VWDE: variants seen among roughly 807,000 people sequenced by gnomAD.
VWDE encodes von Willebrand factor D and EGF domain-containing protein.
A neutral mutation model predicts 178.4 loss-of-function variants in VWDE; 207 were observed. The observed-to-expected ratio is 1.16, with a 90% CI of 1.04 to 1.30. The LOEUF is 1.30. Among genes scored for constraint, VWDE ranks in the 50% most tolerant of loss-of-function variants. The probability of loss-of-function intolerance (pLI) is 0.00; values close to 1 mark genes in which losing one functional copy is unlikely to be tolerated. For missense variants in VWDE, 2,287 were observed against 1,901.3 expected (o/e 1.20, Z -3.77); for synonymous variants, 738 against 651.4 (o/e 1.13, Z -2.02).
intron 15 of VWDE, 87 bp downstream of exon 15, chr7:12,361,060 T>C: frequency 1.3e-6 from 1 of 791,492 alleles, no homozygotes; most frequent in Admixed American, 3.3e-5. Flanking sequence ...GGTATAAAAG[T>C]GAAAAAACTA....
chr7:12,372,141 C>T (rs1316825895), intron 10 of VWDE, among the ~76,000 whole-genome samples: 7 of 151,872 alleles, frequency 4.6e-5, no homozygotes, highest in African/African-American at 9.7e-5. Context: ...GGTTTTTGTA[C>T]TTTTGAACAT....
rs1355392117 is a variant in VWDE at position 12,343,101 on chromosome 7, C to G, written c.4156G>C (p.Gly1386Arg). The part of the protein sequence containing the change: ...NLCTCPYGFV[G>R]PRCETMVCNR... Reference sequence around the variant, plus strand: ...TGCTTACTTGTTTCACACCTTGGTCCTACAAAACCATAAGGACAAGTGCAG... The same window carrying G: ...TGCTTACTTGTTTCACACCTTGGTCGTACAAAACCATAAGGACAAGTGCAG... The change falls in exon 22 of 29, where the codon GGA (glycine) becomes CGA (arginine). Residue 1386 changes from glycine (G) to arginine (R), a missense_variant. Transcript: ENST00000275358. 2 of 1,549,290 alleles carry G rather than the reference C, an allele frequency of 1.3e-6. No individual in the cohort carries two copies. Among genetic ancestry groups the G allele is most frequent in the Non-Finnish European group, 1.7e-6 (2 of 1,145,498 alleles).
chr7:12,351,315 C>A lies in VWDE; in HGVS notation c.3886+258G>T, dbSNP rs74519829. On this transcript the variant is annotated intron_variant, in intron 19 of 28. Transcript: ENST00000275358. ...TATAAAATATAAGTTTGAAATAGTC[C>A]CTTCCAACCATAAGCTTCTCCGAAA... Among the ~76,000 whole-genome samples the A allele has an allele frequency of 0.02, 3,061 of 152,120 alleles. 111 individuals carry two copies. Among genetic ancestry groups the A allele is most frequent in the African/African-American group, 0.07 (2,896 of 41,488 alleles).
rs80071220 is a variant in VWDE at position 12,383,966 on chromosome 7, T to C, written c.476-365A>G. The stretch of plus-strand genomic sequence containing the variant: ...TAGTGGTTTCTTACAGAACTAAACA[T>C]ACTCTTAGCATATGACATAGAAATC... On this transcript the variant is annotated intron_variant, in intron 3 of 28. Transcript: ENST00000275358. Among the ~76,000 whole-genome samples the C allele has an allele frequency of 5.6e-3, 860 of 152,270 alleles. 14 individuals carry two copies. Among genetic ancestry groups the C allele is most frequent in the African/African-American group, 0.02 (821 of 41,570 alleles).
At position 12,370,718 on chromosome 7, in the gene VWDE, G is replaced by T; in HGVS notation, c.1734C>A (p.Asp578Glu). The change falls in exon 11 of 29, where the codon GAC becomes GAA. Residue 578 changes from aspartate (D) to glutamate (E), a missense_variant. Transcript: ENST00000275358. Reference sequence around the variant, plus strand: ...TTTGATCAATTTGCATCCCATTTTTGTCATGGAAATCATTTTCCGGATTTT... The same window carrying T: ...TTTGATCAATTTGCATCCCATTTTTTTCATGGAAATCATTTTCCGGATTTT... Reference protein sequence around the residue: ...FDENPENDFHDKNGMQIDQNF... With the variant: ...FDENPENDFHEKNGMQIDQNF... 1 of 1,550,984 alleles carries T rather than the reference G, an allele frequency of 6.4e-7. No individual in the cohort carries two copies. Among genetic ancestry groups the T allele is most frequent in the Non-Finnish European group, 8.7e-7 (1 of 1,146,644 alleles).
chr7:12,335,759 G>A (rs890098329), intron 27 of VWDE, among the ~76,000 whole-genome samples: 2 of 152,072 alleles, frequency 1.3e-5, no homozygotes, highest in Non-Finnish European at 2.9e-5. Context: ...CCGGCCTAGA[G>A]TGATTAATTT....
chr7:12,332,376 C>T (rs966928025), intron 28 of VWDE, among the ~76,000 whole-genome samples: 3 of 151,960 alleles, frequency 2.0e-5, no homozygotes, highest in East Asian at 3.9e-4. Context: ...TTCTTAGAAG[C>T]AGCATTAATG....
chr7:12,367,973 T>G (rs1782955205), intron 12 of VWDE, among the ~76,000 whole-genome samples: 1 of 151,966 alleles, frequency 6.6e-6, no homozygotes, highest in South Asian at 2.1e-4. Context: ...TAAAAATTAT[T>G]AAACCCCTTG....
intron 1 of VWDE, among the ~76,000 whole-genome samples, chr7:12,394,381 G>T (rs950503737): frequency 1.3e-5 from 2 of 152,136 alleles, no homozygotes; most frequent in Non-Finnish European, 2.9e-5. Flanking sequence ...GAAAACGAAT[G>T]GGATGGAGGG....
In VWDE at chr7:12,369,607, C is replaced by T. The variant is rs1783047633; in HGVS notation, c.2699G>A (p.Cys900Tyr). The change falls in exon 12 of 29, where the codon TGC (cysteine) becomes TAC (tyrosine). Residue 900 changes from cysteine (C) to tyrosine (Y), a missense_variant. By Grantham distance (194) the Cys-to-Tyr change is radical. Coordinates refer to ENST00000275358, the MANE Select transcript of VWDE (RefSeq NM_001135924.3). Reference sequence around the variant, plus strand: ...GGAACACGCACACCCCCATTCCATGCACTGCCCATTGCCGCTGCATAAATT... The same window carrying T: ...GGAACACGCACACCCCCATTCCATGTACTGCCCATTGCCGCTGCATAAATT... Reference protein sequence around the residue: ...CPNLCSGNGQCMEWGCACSPS... With the variant: ...CPNLCSGNGQYMEWGCACSPS... 6.4e-7 allele frequency: 1 copy of T among 1,551,194 alleles called. No homozygotes were observed. Among genetic ancestry groups the T allele is most frequent in the Admixed American group, 2.0e-5 (1 of 50,958 alleles).
Position 12,333,545 on chromosome 7 carries a change from A to G in VWDE, c.4678T>C (p.Tyr1560His). The G allele has an allele frequency of 6.4e-7, 1 of 1,551,088 alleles. No individual in the cohort carries two copies. The highest frequency in any genetic ancestry group is 8.7e-7 in the Non-Finnish European group (1 of 1,146,584). The change falls in exon 28 of 29, where the codon TAT (tyrosine) becomes CAT (histidine). Residue 1560 changes from tyrosine (Y) to histidine (H), a missense_variant. By Grantham distance (83) the Tyr-to-His change is moderately conservative. Coordinates refer to ENST00000275358, the MANE Select transcript of VWDE (RefSeq NM_001135924.3). ...QIPICNPKCL[Y>H]GGRCIFPNVC... ...TTGGGAAATATGCATCTGCCTCCAT[A>G]AAGACATTTTGGGTTGCAAATTGCT...
At chr7:12,388,874 A>G in intron 3 of VWDE, 2 of 649,002 alleles carry the variant, frequency 3.1e-6, no homozygotes, top group Non-Finnish European at 2.9e-6. Context: ...AACACACTCA[A>G]TCATTATGTC....
intron 24 of VWDE, among the ~76,000 whole-genome samples, chr7:12,338,405 T>G (rs1781149633): frequency 6.6e-6 from 1 of 151,846 alleles, no homozygotes; most frequent in African/African-American, 2.4e-5. Context: ...TATTAGAAAA[T>G]ATATATTCTT....
At chr7:12,403,189 A>C (rs933164028) in intron 1 of VWDE, among the ~76,000 whole-genome samples, 2 of 152,218 alleles carry the variant, frequency 1.3e-5, no homozygotes, top group South Asian at 4.1e-4. Flanking sequence ...TACAAAACTT[A>C]ACTTGGTGAT....
intron 24 of VWDE, among the ~76,000 whole-genome samples, chr7:12,338,774 A>G (rs1237282109): frequency 1.3e-5 from 2 of 152,156 alleles, no homozygotes; most frequent in Admixed American, 6.5e-5. Flanking sequence ...GGTGAAGCAA[A>G]TTGGAAGGTG....
intron 28 of VWDE, 46 bp from the exon 29 acceptor site, chr7:12,331,243 T>A: frequency 6.7e-7 from 1 of 1,498,932 alleles, no homozygotes; most frequent in South Asian, 1.2e-5. Flanking sequence ...TAGTATAAAA[T>A]CATTTAACCC....
intron 15 of VWDE, among the ~76,000 whole-genome samples, chr7:12,360,413 G>T (rs2128553029): frequency 6.6e-6 from 1 of 152,102 alleles, no homozygotes; most frequent in African/African-American, 2.4e-5. Flanking sequence ...ATATGGAAAT[G>T]GAATATTTGG....
intron 7 of VWDE, 55 bp from the exon 8 acceptor site, chr7:12,375,282 C>A: frequency 8.4e-7 from 1 of 1,197,372 alleles, no homozygotes. Flanking sequence ...CTAACCAAAG[C>A]ATGTAATAAA....
chr7:12,351,665 G>T lies in VWDE; in HGVS notation c.3794C>A (p.Thr1265Lys). Residue 1265 changes from threonine to lysine, a missense_variant, in exon 19 of 29, where the codon ACA becomes AAA. Transcript: ENST00000275358. ...NQFTTQTVVLTRSDKSVNKEE... is the reference protein window; with the variant it reads ...NQFTTQTVVLKRSDKSVNKEE... The stretch of plus-strand genomic sequence containing the variant: ...TTTATTTACACTTTTATCAGATCTT[G>T]TGAGAACCACAGTTTGTGTAGTAAA... 1 of 1,549,660 alleles carries T rather than the reference G, an allele frequency of 6.5e-7. No individual in the cohort carries two copies. The highest frequency in any genetic ancestry group is 1.4e-5 in the African/African-American group (1 of 72,986).
Sources: allele counts gnomAD v4.1 joint callset (sites outside exome capture counted in the v4.1 genomes callset), GRCh38; gene constraint gnomAD v4.1.1; transcripts MANE v1.5; gene names NCBI Gene and HGNC (gene_info 2026-07-23, HGNC 2026-07-21).